The following SLC44A5 variants were observed in gnomAD, a reference collection of about 807,000 sequenced individuals.
The protein encoded by SLC44A5 is solute carrier family 44 member 5, also known as choline transporter-like protein 5.
SLC44A5 carries 57 observed loss-of-function variants against 101.8 expected under a neutral mutation model. The observed-to-expected ratio is 0.56, with a 90% CI of 0.45 to 0.70. The LOEUF (loss-of-function observed/expected upper bound fraction) is 0.70. Among genes scored for constraint, SLC44A5 ranks in the 30% least tolerant of loss-of-function variants. SLC44A5 has a pLI of 0.00. For synonymous variants in SLC44A5, 281 were observed against 290.9 expected (o/e 0.97, Z 0.35); for missense variants, 737 against 853.1 (o/e 0.86, Z 1.70).
At chr1:75,512,479 T>A (rs1185651639) in intron 2 of SLC44A5, among the ~76,000 whole-genome samples, 4 of 152,152 alleles carry the variant, frequency 2.6e-5, no homozygotes, top group African/African-American at 4.8e-5. Flanking sequence ...GTGTCTGAAG[T>A]TGATTTAGAT....
intron 1 of SLC44A5, among the ~76,000 whole-genome samples, chr1:75,575,725 A>C (rs1673323089): frequency 6.6e-6 from 1 of 152,222 alleles, no homozygotes; most frequent in Non-Finnish European, 1.5e-5. Flanking sequence ...AATGCAACCC[A>C]AAAAATCTGA....
chr1:75,264,671 T>C (rs867514588), intron 6 of SLC44A5, among the ~76,000 whole-genome samples: 25 of 152,020 alleles, frequency 1.6e-4, no homozygotes, highest in South Asian at 2.1e-4. Context: ...TTTATGGCAG[T>C]AATGACCTAC....
intron 1 of SLC44A5, among the ~76,000 whole-genome samples, chr1:75,570,244 G>T (rs942865796): frequency 6.6e-6 from 1 of 152,172 alleles, no homozygotes; most frequent in African/African-American, 2.4e-5. Context: ...ATGACAGGAT[G>T]TAAGTAACTA....
intron 7 of SLC44A5, among the ~76,000 whole-genome samples, 191 bp downstream of exon 7, chr1:75,251,019 T>G (rs1451590186): frequency 6.6e-6 from 1 of 152,200 alleles, no homozygotes; most frequent in African/African-American, 2.4e-5. Flanking sequence ...CTAAAATGAT[T>G]AATTTCTGCT....
intron 19 of SLC44A5, 43 bp downstream of exon 19, chr1:75,215,711 T>C: frequency 8.4e-7 from 1 of 1,195,304 alleles, no homozygotes. Context: ...AGGTTTGGGA[T>C]TGCAAAGAAG....
At chr1:75,518,428 G>A (rs948839224) in intron 2 of SLC44A5, among the ~76,000 whole-genome samples, 3 of 152,036 alleles carry the variant, frequency 2.0e-5, no homozygotes, top group Non-Finnish European at 4.4e-5. Flanking sequence ...TGTAGCACTC[G>A]CTGTGATGGT....
intron 2 of SLC44A5, chr1:75,398,312 A>G (rs1282752986): frequency 1.1e-6 from 1 of 919,036 alleles, no homozygotes; most frequent in East Asian, 1.2e-4. Context: ...CTCTACTCCA[A>G]TTTTCTCCAG....
chr1:75,222,401 G>C lies in SLC44A5; in HGVS notation c.1045C>G (p.Arg349Gly). The change falls in exon 14 of 24, where the codon CGA (arginine) becomes GGA (glycine). Residue 349 changes from arginine (R) to glycine (G), a missense_variant. Arg to Gly is a moderately radical substitution (Grantham distance 125). This residue lies in a region of SLC44A5 where 665 missense variants were observed against 764.4 expected (regional missense o/e 0.87). Coordinates refer to ENST00000370859, the MANE Select transcript of SLC44A5 (RefSeq NM_001130058.2). ...AGCAGGATAATGGCGACTCGGATTC[G>C]ATTCCTGAGGAAGATCAGCATGAGG... ...VILMLIFLRN[R>G]IRVAIILLKE... 2 of 1,613,614 alleles carry C rather than the reference G, an allele frequency of 1.2e-6. No homozygotes were observed. The highest frequency in any genetic ancestry group is 1.7e-6 in the Non-Finnish European group (2 of 1,179,830).
At chr1:75,581,264 A>G (rs1283941353) in intron 1 of SLC44A5, among the ~76,000 whole-genome samples, 1 of 152,202 alleles carries the variant, frequency 6.6e-6, no homozygotes, top group Non-Finnish European at 1.5e-5. Context: ...ATATTATACT[A>G]TATGATCAAG....
intron 14 of SLC44A5, among the ~76,000 whole-genome samples, chr1:75,221,351 C>A (rs147567627): frequency 9.2e-5 from 14 of 152,086 alleles, no homozygotes; most frequent in Admixed American, 1.3e-4. Context: ...TACTTCCATG[C>A]GTTATTAAAA....
intron 1 of SLC44A5, among the ~76,000 whole-genome samples, chr1:75,578,444 A>G (rs1213650183): frequency 6.6e-6 from 1 of 152,216 alleles, no homozygotes; most frequent in African/African-American, 2.4e-5. Flanking sequence ...ATAGATAGAT[A>G]GACATAAAAT....
the SLC44A5 span, among the ~76,000 whole-genome samples, chr1:75,712,122 C>T: frequency 6.6e-6 from 1 of 152,210 alleles, no homozygotes; most frequent in Non-Finnish European, 1.5e-5. Context: ...CCTACTCTTG[C>T]CCCTAACTTG....
intron 5 of SLC44A5, among the ~76,000 whole-genome samples, chr1:75,286,905 A>T (rs2100804681): frequency 6.6e-6 from 1 of 152,202 alleles, no homozygotes; most frequent in Admixed American, 6.5e-5. Flanking sequence ...TCTTGACTTT[A>T]GATAACCTGA....
At chr1:75,610,780 C>T (rs1479607460) in intron 1 of SLC44A5, among the ~76,000 whole-genome samples, 1 of 151,916 alleles carries the variant, frequency 6.6e-6, no homozygotes, top group Admixed American at 6.6e-5. Context: ...AAAGTGAAGT[C>T]CATTGGGTCA....
At chr1:75,455,229 G>A (rs969040258) in intron 2 of SLC44A5, among the ~76,000 whole-genome samples, 1 of 152,008 alleles carries the variant, frequency 6.6e-6, no homozygotes, top group African/African-American at 2.4e-5. Flanking sequence ...AAAGCCATAT[G>A]ATCTTCAGCA....
intron 2 of SLC44A5, among the ~76,000 whole-genome samples, chr1:75,503,097 C>T (rs1669056009): frequency 6.6e-6 from 1 of 152,146 alleles, no homozygotes; most frequent in South Asian, 2.1e-4. Context: ...GTAATACAGC[C>T]ACAGGAATCT....
At chr1:75,392,051 A>C (rs114425766) in intron 3 of SLC44A5, among the ~76,000 whole-genome samples, 2,173 of 152,200 alleles carry the variant, frequency 0.014, 55 homozygotes, top group African/African-American at 0.049. Context: ...CAGAAGGCCA[A>C]GATGGAAGGA....
At chr1:75,720,570 A>G in the SLC44A5 span, among the ~76,000 whole-genome samples, 1 of 152,184 alleles carries the variant, frequency 6.6e-6, no homozygotes, top group Admixed American at 6.5e-5. Context: ...AGGGAAAACT[A>G]TAACTTTACC....
chr1:75,389,079 A>C (rs1476851068), intron 3 of SLC44A5, among the ~76,000 whole-genome samples: 1 of 152,158 alleles, frequency 6.6e-6, no homozygotes, highest in East Asian at 1.9e-4. Flanking sequence ...AAAAAAAGAC[A>C]AAAAAAGGGT....
Sources: gnomAD v4.1 joint callset for allele counts (sites outside exome capture counted in the v4.1 genomes callset) on GRCh38, gnomAD v4.1.1 for gene constraint, gnomAD v4.1.1 regional missense constraint, MANE v1.5 for transcripts, NCBI Gene and HGNC (gene_info 2026-07-23, HGNC 2026-07-21) for gene names.